CACNA1C: variants seen among roughly 807,000 people sequenced by gnomAD.
The protein encoded by CACNA1C is voltage-dependent L-type calcium channel subunit alpha-1C.
CACNA1C carries 30 observed loss-of-function variants against 229.0 expected under a neutral mutation model. The observed-to-expected ratio is 0.13, with a 90% CI of 0.10 to 0.18. The LOEUF (loss-of-function observed/expected upper bound fraction) is 0.18. CACNA1C is among the 10% of genes least tolerant of loss of function. CACNA1C has a pLI of 1.00. For missense variants in CACNA1C, 1,658 were observed against 2,845.0 expected (o/e 0.58, Z 9.49); for synonymous variants, 1,114 against 1,132.5 (o/e 0.98, Z 0.33).
chr12:2,135,070 C>T (rs1297327723), intron 3 of CACNA1C, among the ~76,000 whole-genome samples: 4 of 147,300 alleles, frequency 2.7e-5, no homozygotes, highest in African/African-American at 2.6e-5. Context: ...TCTTCCATTG[C>T]TGACACCCTT....
At chr12:2,078,566 G>A (rs2064137863) in intron 1 of CACNA1C, among the ~76,000 whole-genome samples, 1 of 152,208 alleles carries the variant, frequency 6.6e-6, no homozygotes, top group Admixed American at 6.5e-5. Flanking sequence ...GTTGCCAAGG[G>A]CTGAACGAGG....
chr12:2,179,348 A>T (rs1243076575), intron 3 of CACNA1C, among the ~76,000 whole-genome samples: 2 of 152,192 alleles, frequency 1.3e-5, no homozygotes, highest in African/African-American at 4.8e-5. Context: ...GGACCTGCTG[A>T]TGATAGGTTG....
intron 3 of CACNA1C, among the ~76,000 whole-genome samples, chr12:2,171,314 C>G (rs927597163): frequency 6.6e-6 from 1 of 152,038 alleles, no homozygotes; most frequent in Non-Finnish European, 1.5e-5. Flanking sequence ...GCCTGAGTCC[C>G]CCACCCCAGC....
chr12:2,418,329 C>T (rs181944445), intron 3 of CACNA1C, among the ~76,000 whole-genome samples: 114 of 152,314 alleles, frequency 7.5e-4, no homozygotes, highest in Admixed American at 2.7e-3. Flanking sequence ...TTCAGACGCT[C>T]CAAGGAGAGC....
intron 44 of CACNA1C, 130 bp from the exon 45 acceptor site, chr12:2,686,036 C>A (rs1194164132): frequency 9.1e-6 from 8 of 879,194 alleles, no homozygotes; most frequent in Non-Finnish European, 1.5e-5. Flanking sequence ...ACGTCTCAGA[C>A]GAGGGGAGGG....
chr12:2,164,920 G>T (rs1219806676), intron 3 of CACNA1C, among the ~76,000 whole-genome samples: 1 of 152,226 alleles, frequency 6.6e-6, no homozygotes, highest in Non-Finnish European at 1.5e-5. Flanking sequence ...GAAAGAAGCA[G>T]AGGGGTGTGT....
intron 29 of CACNA1C, among the ~76,000 whole-genome samples, chr12:2,622,462 C>T (rs145860036): frequency 1.0e-3 from 154 of 152,310 alleles, no homozygotes; most frequent in African/African-American, 3.2e-3. Flanking sequence ...GCCCCTCCTT[C>T]TCCCATACTA....
rs1442447449 is a variant in CACNA1C, at chr12:2,354,575, A to AGCTGT, written c.478-94398_478-94397insGTGCT. 6.6e-6 allele frequency among the ~76,000 whole-genome samples: 1 copy of AGCTGT among 152,156 alleles called. No individual in the cohort carries two copies. Among genetic ancestry groups the AGCTGT allele is most frequent in the Non-Finnish European group, 1.5e-5 (1 of 68,020 alleles). ...TGCCTTTCCGCATGCATGCTCTCCT[A>AGCTGT]GCTATGCTTGTAAGAAGTGCGTGCT... On this transcript the variant is annotated intron_variant, in intron 3 of 46. Coordinates refer to ENST00000399655, the MANE Select transcript of CACNA1C (RefSeq NM_000719.7). The surrounding 1 kb of genome is among the most constrained non-coding windows in gnomAD (Gnocchi z 4.6).
In CACNA1C at chr12:2,691,176, A is replaced by G. The variant is rs766262489; in HGVS notation, c.6394A>G (p.Arg2132Gly). Reference sequence around the variant, plus strand: ...GAGTGAGGAGGAGCTCCAGGACAGCAGGGTCTACGTCAGCAGCCTGTAGTG... The same window carrying G: ...GAGTGAGGAGGAGCTCCAGGACAGCGGGGTCTACGTCAGCAGCCTGTAGTG... ...RPSEEELQDS[R>G]VYVSSL The change falls in exon 47 of 47, where the codon AGG becomes GGG. Residue 2132 changes from arginine to glycine, a missense_variant. Arg to Gly is a moderately radical substitution (Grantham distance 125, BLOSUM62 -2). Transcript: ENST00000399655. 6.3e-7 allele frequency: 1 copy of G among 1,594,212 alleles called. No homozygotes were observed. Among genetic ancestry groups the G allele is most frequent in the Non-Finnish European group, 8.6e-7 (1 of 1,167,834 alleles).
chr12:2,008,031 T>G (rs1343094620), intron 1 of CACNA1C, among the ~76,000 whole-genome samples: 1 of 152,252 alleles, frequency 6.6e-6, no homozygotes, highest in Admixed American at 6.5e-5. Flanking sequence ...TTATTGCAAT[T>G]GAACAAGAAA....
chr12:2,173,509 A>G (rs925700107), intron 3 of CACNA1C, among the ~76,000 whole-genome samples: 1 of 152,172 alleles, frequency 6.6e-6, no homozygotes, highest in Non-Finnish European at 1.5e-5. Flanking sequence ...ACATGTGGTC[A>G]CCTTACTTAT....
At chr12:2,437,808 T>C (rs2099150861) in intron 3 of CACNA1C, among the ~76,000 whole-genome samples, 1 of 107,880 alleles carries the variant, frequency 9.3e-6, no homozygotes, top group Non-Finnish European at 2.0e-5. Context: ...GGGATGGTGA[T>C]GATGGTGGTG....
At chr12:2,641,442 T>G in intron 30 of CACNA1C, 1 of 470,822 alleles carries the variant, frequency 2.1e-6, no homozygotes, top group Non-Finnish European at 3.8e-6. Flanking sequence ...GACACATAGA[T>G]TAAATCAAGT....
At chr12:2,282,271 G>C (rs2091504465) in intron 3 of CACNA1C, among the ~76,000 whole-genome samples, 1 of 152,146 alleles carries the variant, frequency 6.6e-6, no homozygotes, top group Non-Finnish European at 1.5e-5. Context: ...GGCTGGATTA[G>C]GGTACATCCA....
At chr12:2,093,359 C>G (rs2072229468) in intron 1 of CACNA1C, among the ~76,000 whole-genome samples, 1 of 152,208 alleles carries the variant, frequency 6.6e-6, no homozygotes, top group Admixed American at 6.5e-5. Flanking sequence ...ACCACTTGTC[C>G]TATGCTAGGC....
intron 3 of CACNA1C, among the ~76,000 whole-genome samples, chr12:2,356,057 A>G (rs1200395363): frequency 6.6e-6 from 1 of 152,220 alleles, no homozygotes; most frequent in Non-Finnish European, 1.5e-5. Flanking sequence ...AATTGAATTC[A>G]TTTAGTTAAA....
At chr12:2,564,141 C>G (rs114640419) in intron 11 of CACNA1C, among the ~76,000 whole-genome samples, 1,999 of 152,332 alleles carry the variant, frequency 0.013, 43 homozygotes, top group African/African-American at 0.045. Flanking sequence ...ATGCCACACA[C>G]AGACACACAC....
intron 3 of CACNA1C, among the ~76,000 whole-genome samples, chr12:2,427,368 T>C (rs914467350): frequency 6.6e-6 from 1 of 152,226 alleles, no homozygotes; most frequent in African/African-American, 2.4e-5. Flanking sequence ...TTATTTTTAA[T>C]ATATTATTGG....
At chr12:2,519,086 C>T (rs574582253) in intron 9 of CACNA1C, among the ~76,000 whole-genome samples, 10 of 152,360 alleles carry the variant, frequency 6.6e-5, no homozygotes, top group Non-Finnish European at 1.2e-4. Flanking sequence ...GATACCCAGG[C>T]AGCAGCACTC....
Sources: gnomAD v4.1 joint callset for allele counts (sites outside exome capture counted in the v4.1 genomes callset) on GRCh38, gnomAD v4.1.1 for gene constraint, Gnocchi (gnomAD v3.1) non-coding constraint, MANE v1.5 for transcripts, NCBI Gene and HGNC (gene_info 2026-07-23, HGNC 2026-07-21) for gene names.